RERE: variants seen among roughly 807,000 people sequenced by gnomAD.
RERE encodes arginine-glutamic acid dipeptide repeats protein.
Under a neutral mutation model 146.1 loss-of-function variants are expected in RERE, and 40 were observed. The ratio of observed to expected loss-of-function variants is 0.27; its 90% confidence interval spans 0.21 to 0.36. The LOEUF is 0.36. RERE is among the 10% of genes least tolerant of loss of function. RERE has a pLI of 1.00. For missense variants in RERE, 1,933 were observed against 2,138.7 expected (o/e 0.90, Z 1.90); for synonymous variants, 1,003 against 866.0 (o/e 1.16, Z -2.78).
chr1:8,782,537 T>C (rs577899379), intron 1 of RERE, among the ~76,000 whole-genome samples: 1 of 152,236 alleles, frequency 6.6e-6, no homozygotes, highest in Non-Finnish European at 1.5e-5. Context: ...TCCAGACTCT[T>C]ACACCATCTT....
intron 2 of RERE, among the ~76,000 whole-genome samples, chr1:8,652,722 T>C (rs1182557535): frequency 1.3e-5 from 2 of 152,204 alleles, no homozygotes; most frequent in Non-Finnish European, 2.9e-5. Flanking sequence ...AAGAACATGA[T>C]GGCGGAAACT....
chr1:8,789,295 A>T (rs1186357469), intron 1 of RERE, among the ~76,000 whole-genome samples: 742 of 72,290 alleles, frequency 0.01, 5 homozygotes, highest in Non-Finnish European at 0.014. Context: ...AAAAAAAAAA[A>T]AAAAAAATAT....
At chr1:8,486,146 C>G (rs1244482077) in intron 10 of RERE, among the ~76,000 whole-genome samples, 2 of 152,050 alleles carry the variant, frequency 1.3e-5, no homozygotes, top group Non-Finnish European at 2.9e-5. Context: ...TAACATACAA[C>G]TAGGTGATAA....
chr1:8,534,558 C>T (rs1645699796), intron 7 of RERE, among the ~76,000 whole-genome samples: 1 of 152,116 alleles, frequency 6.6e-6, no homozygotes, highest in Non-Finnish European at 1.5e-5. Context: ...ACACTTAGCA[C>T]CAAATCTAGG....
intron 6 of RERE, among the ~76,000 whole-genome samples, chr1:8,556,229 T>C (rs1204173411): frequency 6.8e-6 from 1 of 147,508 alleles, no homozygotes; most frequent in African/African-American, 2.5e-5. Context: ...TACAATAATA[T>C]AGAAACAGCA....
At chr1:8,386,022 A>ATTTTTTTTTTTTT (rs60050106) in intron 12 of RERE, among the ~76,000 whole-genome samples, 2 of 26,624 alleles carry the variant, frequency 7.5e-5, no homozygotes, top group African/African-American at 1.6e-4. Context: ...ATATATATAT[A>ATTTTTTTTTTTTT]TTTTTTTTTT....
intron 6 of RERE, among the ~76,000 whole-genome samples, chr1:8,542,729 C>G (rs559772479): frequency 2.6e-4 from 40 of 152,290 alleles, no homozygotes; most frequent in African/African-American, 8.7e-4. Flanking sequence ...TGGTCTCAAA[C>G]TCCTGGCTTC....
chr1:8,780,526 G>C (rs777489194), intron 1 of RERE, among the ~76,000 whole-genome samples: 2 of 152,172 alleles, frequency 1.3e-5, no homozygotes, highest in African/African-American at 2.4e-5. Flanking sequence ...GGTCATCTGA[G>C]TCAAGAGAAC....
chr1:8,710,763 C>CCT (rs564953580), intron 1 of RERE, among the ~76,000 whole-genome samples: 124 of 152,254 alleles, frequency 8.1e-4, no homozygotes, highest in African/African-American at 2.9e-3. Context: ...GATCCGCCTG[C>CCT]CTCAGCCTCC....
chr1:8,387,452 A>G (rs1175045519), intron 12 of RERE, among the ~76,000 whole-genome samples: 1 of 152,248 alleles, frequency 6.6e-6, no homozygotes, highest in Non-Finnish European at 1.5e-5. Flanking sequence ...AGGCTGATAC[A>G]TTTAAGGAGA....
rs191028748 is a variant in RERE, at chr1:8,748,903, A to G, written c.-145+68257T>C. 2.2e-4 allele frequency among the ~76,000 whole-genome samples: 34 copies of G among 152,334 alleles called. No homozygotes were observed. In the East Asian group the frequency reaches 4.4e-3, roughly 20 times the overall value. ...GTATCAGAACATACATATTTTAAAA[A>G]GAGGAGCTAATTAAATAAGTGGGTC... On this transcript the variant is annotated intron_variant, in intron 1 of 22. Transcript: ENST00000400908.
chr1:8,440,289 C>T (rs963857954), intron 11 of RERE, among the ~76,000 whole-genome samples: 2 of 152,084 alleles, frequency 1.3e-5, no homozygotes, highest in African/African-American at 4.8e-5. Flanking sequence ...CTGGTAAAGC[C>T]TGACTCCTTC....
At chr1:8,444,122 G>A (rs1302753691) in intron 11 of RERE, among the ~76,000 whole-genome samples, 1 of 152,216 alleles carries the variant, frequency 6.6e-6, no homozygotes, top group African/African-American at 2.4e-5. Context: ...AAAGCTGCAG[G>A]CATTCAACTC....
intron 4 of RERE, among the ~76,000 whole-genome samples, chr1:8,593,594 G>A (rs1339649255): frequency 6.6e-6 from 1 of 152,180 alleles, no homozygotes; most frequent in African/African-American, 2.4e-5. Flanking sequence ...CCAGTCTCAG[G>A]TATGGCTTTA....
intron 4 of RERE, among the ~76,000 whole-genome samples, chr1:8,600,886 C>G (rs1390292611): frequency 2.0e-5 from 3 of 151,642 alleles, no homozygotes; most frequent in Non-Finnish European, 4.4e-5. Context: ...TCCCGAGTAG[C>G]TGGGACTACA....
intron 2 of RERE, among the ~76,000 whole-genome samples, chr1:8,625,321 G>A (rs1367892474): frequency 6.6e-6 from 1 of 152,136 alleles, no homozygotes; most frequent in African/African-American, 2.4e-5. Flanking sequence ...TTTAAGGAAA[G>A]CAGTGGCTAT....
chr1:8,672,690 CA>C (rs1438711839), intron 1 of RERE, among the ~76,000 whole-genome samples: 1 of 152,184 alleles, frequency 6.6e-6, no homozygotes, highest in Non-Finnish European at 1.5e-5. Flanking sequence ...CTGCAGGTGT[CA>C]ACAATAACCT....
intron 13 of RERE, among the ~76,000 whole-genome samples, chr1:8,365,593 G>A (rs1167120414): frequency 1.3e-5 from 2 of 152,180 alleles, no homozygotes; most frequent in Non-Finnish European, 2.9e-5. Context: ...ATATTTAAAT[G>A]TACAAATAAT....
intron 11 of RERE, among the ~76,000 whole-genome samples, chr1:8,453,808 C>CA (rs34155514): frequency 0.6 from 90,404 of 151,118 alleles, 27,497 homozygotes; most frequent in East Asian, 0.83. Context: ...GACTCTGTCT[C>CA]AAAAAAAAAT....
Sources: allele counts gnomAD v4.1 joint callset (sites outside exome capture counted in the v4.1 genomes callset), GRCh38; gene constraint gnomAD v4.1.1; transcripts MANE v1.5; gene names NCBI Gene and HGNC (gene_info 2026-07-23, HGNC 2026-07-21).